KHDRBS3: variants seen among roughly 807,000 people sequenced by gnomAD.
KHDRBS3 encodes the protein KH RNA binding domain containing, signal transduction associated 3, also known as KH domain-containing, RNA-binding, signal transduction-associated protein 3.
A neutral mutation model predicts 45.6 loss-of-function variants in KHDRBS3; 23 were observed. The observed-to-expected ratio is 0.50, with a 90% CI of 0.36 to 0.72. The LOEUF is 0.72. Among genes scored for constraint, KHDRBS3 ranks in the 30% least tolerant of loss-of-function variants. The pLI is 0.00. For missense variants in KHDRBS3, 352 were observed against 424.8 expected, an observed-to-expected ratio of 0.83 and a Z score of 1.51; for synonymous variants, 162 against 156.5, an observed-to-expected ratio of 1.04 and a Z score of -0.26.
intron 1 of KHDRBS3, among the ~76,000 whole-genome samples, chr8:135,503,841 A>G (rs1823858186): frequency 6.6e-6 from 1 of 152,204 alleles, no homozygotes; most frequent in Non-Finnish European, 1.5e-5. Flanking sequence ...GAGTTACTAT[A>G]AGGATACTTT....
chr8:135,601,574 G>A (rs1417152967), intron 6 of KHDRBS3, among the ~76,000 whole-genome samples: 1 of 152,116 alleles, frequency 6.6e-6, no homozygotes, highest in Non-Finnish European at 1.5e-5. Context: ...TGTAGACTGG[G>A]GCTTGTCACA....
intron 2 of KHDRBS3, among the ~76,000 whole-genome samples, chr8:135,528,158 A>G (rs1825287862): frequency 6.6e-6 from 1 of 152,216 alleles, no homozygotes; most frequent in South Asian, 2.1e-4. Context: ...CTTAACCAGC[A>G]AAAGTTTCTT....
intron 2 of KHDRBS3, among the ~76,000 whole-genome samples, chr8:135,531,706 ATTAAAT>A (rs1275592593): frequency 6.6e-6 from 1 of 152,210 alleles, no homozygotes; most frequent in Non-Finnish European, 1.5e-5. Context: ...TATGGATGAA[ATTAAAT>A]TTAGTCTTTA....
At chr8:135,633,469 A>T (rs564688316) in intron 7 of KHDRBS3, among the ~76,000 whole-genome samples, 1 of 152,362 alleles carries the variant, frequency 6.6e-6, no homozygotes, top group African/African-American at 2.4e-5. Context: ...GCAAGACTTA[A>T]TAAATCAGGT....
intron 1 of KHDRBS3, among the ~76,000 whole-genome samples, chr8:135,472,058 A>G (rs1474224015): frequency 6.6e-6 from 1 of 152,196 alleles, no homozygotes; most frequent in Non-Finnish European, 1.5e-5. Flanking sequence ...CTCATTGTGG[A>G]TGACAGCAAT....
intron 1 of KHDRBS3, among the ~76,000 whole-genome samples, chr8:135,520,100 A>G (rs565614803): frequency 1.3e-5 from 2 of 152,324 alleles, no homozygotes; most frequent in East Asian, 3.9e-4. Context: ...CCTCTTTGTC[A>G]TCTGTCTTGA....
chr8:135,494,048 T>G (rs1015913146), intron 1 of KHDRBS3, among the ~76,000 whole-genome samples: 1 of 152,140 alleles, frequency 6.6e-6, no homozygotes. Context: ...GTTAATAATA[T>G]TCTCTGATTC....
At chr8:135,552,739 T>C (rs1347464432) in intron 4 of KHDRBS3, among the ~76,000 whole-genome samples, 4 of 152,202 alleles carry the variant, frequency 2.6e-5, no homozygotes, top group Non-Finnish European at 5.9e-5. Context: ...CAGCTAATAA[T>C]ATCTCTGTTA....
intron 7 of KHDRBS3, among the ~76,000 whole-genome samples, chr8:135,623,386 G>A (rs1210725135): frequency 1.3e-5 from 2 of 152,174 alleles, no homozygotes; most frequent in African/African-American, 4.8e-5. Flanking sequence ...GTGACCTTGA[G>A]CGAGCCGCAC....
intron 7 of KHDRBS3, among the ~76,000 whole-genome samples, chr8:135,642,550 A>G (rs1341560931): frequency 6.6e-6 from 1 of 152,186 alleles, no homozygotes; most frequent in East Asian, 1.9e-4. Flanking sequence ...GAAAAATTGC[A>G]CATTGCTACT....
At chr8:135,645,992 A>ATTTTTTTTTTTTTTTTTTTTTTT (rs57082119) in intron 8 of KHDRBS3, among the ~76,000 whole-genome samples, 1 of 100,688 alleles carries the variant, frequency 9.9e-6, no homozygotes, top group African/African-American at 4.1e-5. Context: ...TGCACCTTGG[A>ATTTTTTTTTTTTTTTTTTTTTTT]TTTTTTTTTT....
At chr8:135,487,428 G>A (rs976259618) in intron 1 of KHDRBS3, among the ~76,000 whole-genome samples, 3 of 152,174 alleles carry the variant, frequency 2.0e-5, no homozygotes, top group African/African-American at 7.2e-5. Context: ...AGCAGATACT[G>A]AACTCTGGGC....
At chr8:135,604,877 C>T (rs6997647) in intron 6 of KHDRBS3, among the ~76,000 whole-genome samples, 12,854 of 150,658 alleles carry the variant, frequency 0.085, 946 homozygotes, top group African/African-American at 0.2. Context: ...ACTTCTCCTT[C>T]ATTTTTGAAG....
chr8:135,476,651 A>G (rs1822303417), intron 1 of KHDRBS3, among the ~76,000 whole-genome samples: 1 of 152,200 alleles, frequency 6.6e-6, no homozygotes, highest in Admixed American at 6.5e-5. Context: ...CATTGAGTAG[A>G]TGGGGAAACC....
intron 7 of KHDRBS3, among the ~76,000 whole-genome samples, chr8:135,613,906 T>C (rs900192134): frequency 3.3e-5 from 5 of 151,714 alleles, no homozygotes; most frequent in Non-Finnish European, 7.4e-5. Context: ...GACACTCTTG[T>C]GTTACAGAAA....
downstream of KHDRBS3, among the ~76,000 whole-genome samples, chr8:135,652,592 A>C (rs1275626504): frequency 2.0e-5 from 3 of 152,212 alleles, no homozygotes; most frequent in Non-Finnish European, 4.4e-5. Flanking sequence ...ACCCCACTCA[A>C]ATAAATGCAC....
At chr8:135,481,223 G>GAGATATATATATATATATATATATATAT in intron 1 of KHDRBS3, among the ~76,000 whole-genome samples, 2 of 77,408 alleles carry the variant, frequency 2.6e-5, no homozygotes, top group African/African-American at 9.7e-5. Flanking sequence ...TGAAAGCCAC[G>GAGATATATATATATATATATATATATAT]ATATATATAT....
intron 2 of KHDRBS3, among the ~76,000 whole-genome samples, chr8:135,522,526 CAA>C (rs1364873857): frequency 1.3e-5 from 2 of 152,108 alleles, no homozygotes; most frequent in African/African-American, 2.4e-5. Flanking sequence ...TTTCCACAAA[CAA>C]TGTGTGCAGG....
chr8:135,582,881 A>G (rs1002002508), intron 6 of KHDRBS3, among the ~76,000 whole-genome samples: 2 of 152,190 alleles, frequency 1.3e-5, no homozygotes, highest in African/African-American at 4.8e-5. Context: ...GAAGGTTGCA[A>G]TAATCCCCTG....
Sources: gnomAD v4.1 joint callset for allele counts (sites outside exome capture counted in the v4.1 genomes callset) on GRCh38, gnomAD v4.1.1 for gene constraint, MANE v1.5 for transcripts, NCBI Gene and HGNC (gene_info 2026-07-23, HGNC 2026-07-21) for gene names.